The following MUC5AC variants were observed in gnomAD, a reference collection of about 807,000 sequenced individuals.
The protein encoded by MUC5AC is mucin-5AC.
In MUC5AC, 158 loss-of-function variants were observed where a neutral mutation model predicts 169.7. The observed-to-expected ratio is 0.93, with a 90% confidence interval of 0.82 to 1.06. The LOEUF (loss-of-function observed/expected upper bound fraction) is 1.06, where lower values mean the gene tolerates loss of function less well. MUC5AC is among the 50% of genes least tolerant of loss of function. The pLI, the probability that MUC5AC is intolerant of heterozygous loss-of-function variation, is 0.00. For synonymous variants in MUC5AC, 1,975 were observed against 1,237.0 expected (o/e 1.60, Z -12.52); for missense variants, 4,359 against 3,089.9 (o/e 1.41, Z -9.74).
chr11:1,178,591 G>A lies in MUC5AC; in HGVS notation c.3235G>A (p.Asp1079Asn), dbSNP rs1860741286. 5 of 1,414,302 alleles carry A rather than the reference G, an allele frequency of 3.5e-6. No individual in the cohort carries two copies. Among genetic ancestry groups the A allele is most frequent in the Admixed American group, 2.5e-5 (1 of 39,738 alleles). 87.6% of individuals were successfully genotyped at this position (1,414,302 alleles called of 1,614,324 possible). A position where few individuals can be genotyped will look rare whatever the true frequency, so the allele number is the denominator to read the frequency against. ...PSCPDALAPK[D>N]PCTANPFRKS... ...CTGCCCAGATGCCCTGGCGCCCAAG[G>A]ACCCCTGCACGGCCAACCCCTTCCG... The change falls in exon 25 of 49, where the codon GAC becomes AAC. Residue 1079 changes from aspartate (D) to asparagine (N), a missense_variant. Asp to Asn is a conservative substitution (Grantham distance 23, BLOSUM62 1). Transcript: ENST00000621226.
At chr11:1,200,097 G>A in intron 48 of MUC5AC, 128 bp downstream of exon 48, 1 of 612,516 alleles carries the variant, frequency 1.6e-6, no homozygotes, top group Non-Finnish European at 2.9e-6. Context: ...CTCTGAGGGT[G>A]AGGCGGGAAA....
chr11:1,197,358 G>A, intron 40 of MUC5AC, 110 bp from the exon 41 acceptor site: 1 of 652,648 alleles, frequency 1.5e-6, no homozygotes, highest in Non-Finnish European at 2.8e-6. Context: ...CTCAGTGCAG[G>A]CCACACGGCC....
intron 11 of MUC5AC, among the ~76,000 whole-genome samples, chr11:1,167,212 C>T (rs1388593335): frequency 6.8e-6 from 1 of 147,184 alleles, no homozygotes; most frequent in Non-Finnish European, 1.5e-5. Flanking sequence ...GCACCCAACA[C>T]ACAGTCTCCC....
At chr11:1,170,978 C>CCCACTCACCCATTCA (rs1232249122) in intron 15 of MUC5AC, among the ~76,000 whole-genome samples, 16,156 of 26,836 alleles carry the variant, frequency 0.6, 3,788 homozygotes, top group African/African-American at 0.71. Flanking sequence ...CACCCATTCA[C>CCCACTCACCCATTCA]CCCACTCACC....
rs546465032 is a variant in MUC5AC at position 1,196,053 on chromosome 11, C to A, written c.15636C>A (p.Cys5212Ter). 1 of 763,486 alleles carries A rather than the reference C, an allele frequency of 1.3e-6. No homozygotes were observed. Among genetic ancestry groups the A allele is most frequent in the African/African-American group, 1.7e-5 (1 of 59,106 alleles). 47.3% of individuals were successfully genotyped at this position (763,486 alleles called of 1,614,324 possible). The change falls in exon 37 of 49, where the codon TGC (cysteine) becomes TGA (stop). Residue 5212 changes from cysteine (C) to a stop codon, truncating the protein, a stop_gained and splice_region_variant. Transcript: ENST00000621226. LOFTEE classifies it high-confidence loss of function. ...GGAGAGGCCGGACCGGCCACATGTGCCGTGAGTGCCACCACTGTCCTCAGG... is the reference window on the plus strand; with the variant it reads ...GGAGAGGCCGGACCGGCCACATGTGACGTGAGTGCCACCACTGTCCTCAGG... ...IDWRGRTGHM[C>*]PFTCPADKVY... is the part of the protein sequence containing the mutation.
At chr11:1,171,615 A>G (rs1173300542) in intron 15 of MUC5AC, among the ~76,000 whole-genome samples, 7 of 121,812 alleles carry the variant, frequency 5.7e-5, no homozygotes, top group Non-Finnish European at 1.0e-4. Flanking sequence ...CCATTCACCC[A>G]CTCACGAACT....
At chr11:1,174,668 C>T (rs1250342324) in intron 17 of MUC5AC, 46 bp downstream of exon 17, 16 of 782,980 alleles carry the variant, frequency 2.0e-5, no homozygotes, top group South Asian at 5.2e-5. Context: ...TGGGTGGCCG[C>T]GGGTCTTGGG....
rs1439665072 is a variant in MUC5AC at position 1,189,966 on chromosome 11, T to G, written c.11821T>G (p.Ser3941Ala). The change falls in exon 31 of 49, where the codon TCC becomes GCC. Residue 3941 changes from serine (S) to alanine (A), a missense_variant. Physicochemically the swap from Ser to Ala is moderately conservative, Grantham distance 99. Coordinates refer to ENST00000621226, the MANE Select transcript of MUC5AC (RefSeq NM_001304359.2). ...SKTSTSHVSV[S>A]KTTHSQPVTR... ...GACCAGCACAAGCCATGTTTCTGTATCCAAGACAACCCACTCCCAACCAGT... is the reference window on the plus strand; with the variant it reads ...GACCAGCACAAGCCATGTTTCTGTAGCCAAGACAACCCACTCCCAACCAGT... 2 of 765,006 alleles carry G rather than the reference T, an allele frequency of 2.6e-6. No homozygotes were observed. The highest frequency in any genetic ancestry group is 3.4e-5 in the African/African-American group (2 of 59,134). 47.4% of individuals were successfully genotyped at this position (765,006 alleles called of 1,614,324 possible). A position where few individuals can be genotyped will look rare whatever the true frequency, so the allele number is the denominator to read the frequency against.
intron 4 of MUC5AC, 101 bp downstream of exon 4, chr11:1,162,269 C>A: frequency 6.7e-7 from 1 of 1,496,030 alleles, no homozygotes; most frequent in South Asian, 1.3e-5. Flanking sequence ...GTGGATTTCT[C>A]AGGAAGCCCC....
rs1861006862 is a variant in MUC5AC, at chr11:1,188,447, T to G, written c.10302T>G (p.Pro3434=). The change falls in exon 31 of 49, where the codon CCT becomes CCG. Residue 3434 remains proline (P), a synonymous_variant. Coordinates refer to ENST00000621226, the MANE Select transcript of MUC5AC (RefSeq NM_001304359.2). The stretch of plus-strand genomic sequence containing the variant: ...GTACAACCAGCATAATCTCTGCCCC[T>G]ACAACCAGCACAACCTCTTCCCCTA... ...SARTTSIISA[P]TTSTTSSPTT... 6.3e-6 allele frequency: 4 copies of G among 635,788 alleles called. No homozygotes were observed. Among genetic ancestry groups the G allele is most frequent in the Admixed American group, 2.1e-5 (1 of 46,576 alleles). 39.4% of individuals were successfully genotyped at this position (635,788 alleles called of 1,614,324 possible).
Position 1,191,946 on chromosome 11 carries a change from A to G in MUC5AC, c.13801A>G (p.Thr4601Ala). The G allele has an allele frequency of 1.3e-6, 1 of 765,250 alleles. No homozygotes were observed. The highest frequency in any genetic ancestry group is 2.4e-6 in the Non-Finnish European group (1 of 417,912). The allele number at this position is 765,250 out of a possible 1,614,324, so 47.4% of individuals were successfully genotyped here. A position where few individuals can be genotyped will look rare whatever the true frequency, so the allele number is the denominator to read the frequency against. ...TCCCAGCCCCGTTCCCACCACCAGC[A>G]CAACCCCTGTTTCAAAGACCAGCAC... is the stretch of plus-strand genomic sequence containing the variant. ...TTPSPVPTTS[T>A]TPVSKTSTSH... The change falls in exon 31 of 49, where the codon ACA becomes GCA. Residue 4601 changes from threonine (T) to alanine (A), a missense_variant. Transcript: ENST00000621226.
Position 1,181,201 on chromosome 11 carries a change from CT to C in MUC5AC, c.3820+20del. The C allele has an allele frequency of 2.5e-6, 1 of 398,746 alleles. No homozygotes were observed. The highest frequency in any genetic ancestry group is 4.4e-6 in the Non-Finnish European group (1 of 226,190). 24.7% of individuals were successfully genotyped at this position (398,746 alleles called of 1,614,324 possible). On this transcript the variant is annotated intron_variant, in intron 29 of 48. Transcript: ENST00000621226. ...GCTGAGGGTGAGCGGCCGGCAGCCC[CT>C]GGGGCTGGGGTCCGGGGGTCTCTGT... is the stretch of plus-strand genomic sequence containing the variant.
chr11:1,185,292 G>T lies in MUC5AC; in HGVS notation c.7147G>T (p.Ala2383Ser). 1 of 667,328 alleles carries T rather than the reference G, an allele frequency of 1.5e-6. No homozygotes were observed. The highest frequency in any genetic ancestry group is 2.7e-6 in the Non-Finnish European group (1 of 367,680). 41.3% of individuals were successfully genotyped at this position (667,328 alleles called of 1,614,324 possible). Residue 2383 changes from alanine (A) to serine (S), a missense_variant, in exon 31 of 49, where the codon GCC becomes TCC. Transcript: ENST00000621226. ...TGCCCGTACAAGCAGCACAACCTCT[G>T]CCACTACCACCAGCAGAATCTCTGG... ...TSARTSSTTS[A>S]TTTSRISGPE...
Position 1,195,036 on chromosome 11 carries a change from A to G in MUC5AC, c.15215A>G (p.Asp5072Gly). 1.3e-6 allele frequency: 1 copy of G among 748,518 alleles called. No individual in the cohort carries two copies. Among genetic ancestry groups the G allele is most frequent in the South Asian group, 1.4e-5 (1 of 71,902 alleles). 46.4% of individuals were successfully genotyped at this position (748,518 alleles called of 1,614,324 possible). ...QCGTCTNDRK[D>G]ECRTPRGTVV... ...GGCACTTGCACCAACGACAGGAAGG[A>G]TGAGTGCCGCACGCCTAGGGGGACG... is the stretch of plus-strand genomic sequence containing the variant. Residue 5072 changes from aspartate (D) to glycine (G), a missense_variant, in exon 36 of 49, where the codon GAT becomes GGT. Physicochemically the swap from Asp to Gly is moderately conservative, Grantham distance 94. Transcript: ENST00000621226.
In MUC5AC at chr11:1,197,464, G is replaced by C. The variant is rs56312433; in HGVS notation, c.15862-4G>C. ...ACGCTGGACCTCAGTCCCCTTCCTT[G>C]CAGGTGGGCCACACCGTCGGCATGG... On this transcript the variant is annotated splice_polypyrimidine_tract_variant and splice_region_variant and intron_variant, in intron 40 of 48. Coordinates refer to ENST00000621226, the MANE Select transcript of MUC5AC (RefSeq NM_001304359.2). 2.1e-4 allele frequency: 147 copies of C among 709,294 alleles called. No homozygotes were observed. The African/African-American group carries it at 2.5e-3, about 12-fold the overall frequency. The allele number at this position is 709,294 out of a possible 1,614,324, so 43.9% of individuals were successfully genotyped here.
Position 1,180,468 on chromosome 11 carries a change from C to T in MUC5AC, c.3728C>T (p.Ser1243Phe), listed in dbSNP as rs1395808880. The part of the protein sequence containing the change: ...LPPRCHVHGK[S>F]YRPGAVVPSD... The stretch of plus-strand genomic sequence containing the variant: ...CCACGGTGCCACGTCCATGGGAAGT[C>T]CTACCGGCCAGGTGCAGTGGTGCCC... The change falls in exon 28 of 49, where the codon TCC (serine) becomes TTC (phenylalanine). Residue 1243 changes from serine to phenylalanine, a missense_variant. Ser to Phe is a radical substitution (Grantham distance 155, BLOSUM62 -2). Transcript: ENST00000621226. 1 of 398,788 alleles carries T rather than the reference C, an allele frequency of 2.5e-6. No homozygotes were observed. The highest frequency in any genetic ancestry group is 4.4e-6 in the Non-Finnish European group (1 of 226,254). The allele number at this position is 398,788 out of a possible 1,614,324, so 24.7% of individuals were successfully genotyped here.
At chr11:1,197,156 G>A (rs949235016) in intron 40 of MUC5AC, among the ~76,000 whole-genome samples, 1 of 152,154 alleles carries the variant, frequency 6.6e-6, no homozygotes, top group Non-Finnish European at 1.5e-5. Context: ...GTGTTGCTCT[G>A]TGGGTGGGTG....
Position 1,179,037 on chromosome 11 carries a change from A to G in MUC5AC, c.3328-55A>G, listed in dbSNP as rs1806733057. 7 of 247,068 alleles carry G rather than the reference A, an allele frequency of 2.8e-5. No homozygotes were observed. The Admixed American group carries it at 4.3e-4, about 15-fold the overall frequency. The allele number at this position is 247,068 out of a possible 1,614,324, so 15.3% of individuals were successfully genotyped here. On this transcript the variant is annotated intron_variant, in intron 25 of 48. Transcript: ENST00000621226. The stretch of plus-strand genomic sequence containing the variant: ...TGTGCCAGCATGGGCCCGGTCCCCA[A>G]GAGCCCGCGGGGTGGTGGGGGGGTC...
chr11:1,198,445 C>G, intron 43 of MUC5AC, 140 bp downstream of exon 43: 1 of 661,146 alleles, frequency 1.5e-6, no homozygotes, highest in Non-Finnish European at 2.8e-6. Flanking sequence ...AGCCCACTAT[C>G]AAGTGTGGCT....
Sources: allele counts gnomAD v4.1 joint callset (sites outside exome capture counted in the v4.1 genomes callset), GRCh38; gene constraint gnomAD v4.1.1; transcripts MANE v1.5; gene names NCBI Gene and HGNC (gene_info 2026-07-23, HGNC 2026-07-21).